The following ARK2C variants were observed in gnomAD, a reference collection of about 807,000 sequenced individuals.
ARK2C encodes the protein arkadia (RNF111) C-terminal like ring finger ubiquitin ligase 2C.
chr18:46,340,326 T>C, the ARK2C span, among the ~76,000 whole-genome samples: 1 of 152,212 alleles, frequency 6.6e-6, no homozygotes, highest in Non-Finnish European at 1.5e-5. Context: ...TATAACCCCA[T>C]AGCCAAACCT....
the ARK2C span, among the ~76,000 whole-genome samples, chr18:46,404,769 A>C: frequency 7.6e-5 from 11 of 143,922 alleles, no homozygotes; most frequent in Admixed American, 4.1e-4. Context: ...CACACACACA[A>C]ACACACACAC....
the ARK2C span, chr18:46,334,704 GT>G: frequency 3.2e-6 from 1 of 308,016 alleles, no homozygotes; most frequent in South Asian, 1.9e-4. This position sits in a 1 kb window ranked among gnomAD's most constrained non-coding sequence, Gnocchi z 4.4. Flanking sequence ...GTGTGTGTGT[GT>G]GTGTGTGTGT....
the ARK2C span, among the ~76,000 whole-genome samples, chr18:46,347,616 C>T: frequency 1.3e-5 from 2 of 152,110 alleles, no homozygotes; most frequent in Non-Finnish European, 2.9e-5. Flanking sequence ...TTAAACGAGA[C>T]GGTGGATGTA....
chr18:46,336,278 T>C, the ARK2C span: 22 of 985,212 alleles, frequency 2.2e-5, no homozygotes, highest in South Asian at 3.3e-4. Flanking sequence ...ATACCACCAA[T>C]CTCTAAATAC....
the ARK2C span, among the ~76,000 whole-genome samples, chr18:46,355,971 TG>T: frequency 4.6e-5 from 7 of 152,168 alleles, no homozygotes; most frequent in Non-Finnish European, 8.8e-5. Context: ...GGCTGAGGGA[TG>T]GGGCTGCTGG....
At chr18:46,402,899 G>T in the ARK2C span, among the ~76,000 whole-genome samples, 1 of 152,126 alleles carries the variant, frequency 6.6e-6, no homozygotes, top group Non-Finnish European at 1.5e-5. Context: ...GAACCTTCCT[G>T]GTGTCTCAGG....
At chr18:46,418,166 T>C in the ARK2C span, among the ~76,000 whole-genome samples, 3 of 152,028 alleles carry the variant, frequency 2.0e-5, no homozygotes, top group East Asian at 5.8e-4. Context: ...CTGGGCAACA[T>C]AGTGAGACCC....
the ARK2C span, among the ~76,000 whole-genome samples, chr18:46,360,735 GC>G: frequency 6.6e-6 from 1 of 152,142 alleles, no homozygotes; most frequent in Non-Finnish European, 1.5e-5. Context: ...CTTCCTGCAG[GC>G]CCCCCTTGCC....
At chr18:46,441,220 T>A in the ARK2C span, among the ~76,000 whole-genome samples, 1 of 152,130 alleles carries the variant, frequency 6.6e-6, no homozygotes, top group Non-Finnish European at 1.5e-5. Context: ...CCTCTACTTC[T>A]GTGCTCAAGC....
At chr18:46,390,888 A>AG in the ARK2C span, among the ~76,000 whole-genome samples, 269 of 152,326 alleles carry the variant, frequency 1.8e-3, no homozygotes, top group African/African-American at 6.2e-3. Context: ...AAATCACTTG[A>AG]GGAAGCACTC....
chr18:46,455,354 G>A, the ARK2C span, among the ~76,000 whole-genome samples: 1 of 152,164 alleles, frequency 6.6e-6, no homozygotes, highest in Non-Finnish European at 1.5e-5. Context: ...TGGATGGTGT[G>A]AAGGGACCAG....
the ARK2C span, among the ~76,000 whole-genome samples, chr18:46,351,330 A>G: frequency 6.6e-6 from 1 of 152,170 alleles, no homozygotes; most frequent in South Asian, 2.1e-4. Context: ...GGGCTGTGAG[A>G]TGGGCTGGAG....
the ARK2C span, among the ~76,000 whole-genome samples, chr18:46,430,210 A>G: frequency 2.0e-5 from 3 of 152,140 alleles, no homozygotes; most frequent in African/African-American, 7.2e-5. Flanking sequence ...CTCATACTTG[A>G]TTAATGGTTT....
chr18:46,361,296 T>C, the ARK2C span, among the ~76,000 whole-genome samples: 7 of 152,210 alleles, frequency 4.6e-5, no homozygotes, highest in East Asian at 5.8e-4. Context: ...TTCAACTGAA[T>C]CCCTGTAGCC....
chr18:46,412,134 G>T, the ARK2C span, among the ~76,000 whole-genome samples: 1 of 152,192 alleles, frequency 6.6e-6, no homozygotes, highest in East Asian at 1.9e-4. Flanking sequence ...GGGAATCAAA[G>T]CACAGCCCCC....
At chr18:46,450,419 T>C in the ARK2C span, 4 of 1,552,554 alleles carry the variant, frequency 2.6e-6, no homozygotes, top group Non-Finnish European at 3.6e-6. Context: ...CTCTGTCTGG[T>C]ACCAACTGGG....
At chr18:46,461,964 A>AC in the ARK2C span, 1 of 152,172 alleles carries the variant, frequency 6.6e-6, no homozygotes, top group Admixed American at 6.5e-5. Flanking sequence ...TGGGATTGGC[A>AC]CCCCTATCCT....
the ARK2C span, among the ~76,000 whole-genome samples, chr18:46,425,389 C>A: frequency 6.6e-6 from 1 of 152,216 alleles, no homozygotes; most frequent in African/African-American, 2.4e-5. Flanking sequence ...CCTGGGGTAG[C>A]CCCGGGTGGG....
At chr18:46,334,697 TGTGTGTGTGTGTGTGTGTGA>T in the ARK2C span, 27 of 312,860 alleles carry the variant, frequency 8.6e-5, no homozygotes, top group Middle Eastern at 1.6e-3. The surrounding 1 kb of genome is among the most constrained non-coding windows in gnomAD (Gnocchi z 4.4). Flanking sequence ...TGTGTGTGTG[TGTGTGTGTGTGTGTGTGTGA>T]GAGAGAGAGA....
Sources: gnomAD v4.1 joint callset for allele counts (sites outside exome capture counted in the v4.1 genomes callset) on GRCh38, gnomAD v4.1.1 for gene constraint, Gnocchi (gnomAD v3.1) non-coding constraint, MANE v1.5 for transcripts, NCBI Gene and HGNC (gene_info 2026-07-23, HGNC 2026-07-21) for gene names.